Variants in MRTFA observed in about 807,000 individuals in gnomAD.
MRTFA encodes myocardin related transcription factor A.
A neutral mutation model predicts 83.5 loss-of-function variants in MRTFA; 20 were observed. The ratio of observed to expected loss-of-function variants is 0.24; its 90% confidence interval spans 0.17 to 0.35. MRTFA has a LOEUF of 0.35. MRTFA is among the 10% of genes least tolerant of loss of function. The pLI is 1.00. For missense variants in MRTFA, 1,200 were observed against 1,224.7 expected (o/e 0.98, Z 0.30); for synonymous variants, 659 against 541.2 (o/e 1.22, Z -3.02).
At chr22:40,459,822 C>CACACACACATATACAT (rs1308675939) in intron 4 of MRTFA, among the ~76,000 whole-genome samples, 4 of 68,264 alleles carry the variant, frequency 5.9e-5, no homozygotes, top group African/African-American at 1.9e-4. Context: ...CACACACACA[C>CACACACACATATACAT]ATATATACAT....
intron 3 of MRTFA, chr22:40,522,342 G>A (rs1569309955): frequency 6.6e-6 from 1 of 152,228 alleles, no homozygotes; most frequent in Non-Finnish European, 1.5e-5. Context: ...GGAGGGCACA[G>A]GACTGGGCAG....
intron 3 of MRTFA, among the ~76,000 whole-genome samples, chr22:40,535,505 A>G (rs2055156087): frequency 6.6e-6 from 1 of 151,822 alleles, no homozygotes; most frequent in African/African-American, 2.4e-5. Context: ...GGCATATGCC[A>G]CCACACCCAG....
At chr22:40,480,743 CTTTTTTTTTTTTTT>C (rs758150714) in intron 3 of MRTFA, among the ~76,000 whole-genome samples, 1 of 93,542 alleles carries the variant, frequency 1.1e-5, no homozygotes, top group African/African-American at 4.8e-5. Context: ...GAGTTCAAGA[CTTTTTTTTTTTTTT>C]TTTTTTTTTT....
chr22:40,562,793 T>A (rs2055648496), intron 2 of MRTFA, among the ~76,000 whole-genome samples: 1 of 147,550 alleles, frequency 6.8e-6, no homozygotes, highest in Admixed American at 6.7e-5. Flanking sequence ...TGGGGGTGAA[T>A]AACAGAAAAA....
At chr22:40,462,813 T>C (rs1327836044) in intron 4 of MRTFA, among the ~76,000 whole-genome samples, 1 of 152,154 alleles carries the variant, frequency 6.6e-6, no homozygotes, top group Non-Finnish European at 1.5e-5. Flanking sequence ...AAAAGAGGTT[T>C]CTCTTCCTAA....
Position 40,410,798 on chromosome 22 carries a change from T to C in MRTFA, c.*592A>G, listed in dbSNP as rs1569242598. On this transcript the variant is annotated 3_prime_UTR_variant, in exon 15 of 15. Transcript: ENST00000355630. ...GTCCGCCCCCCCCCAAAAATATATA[T>C]GTATGTCGATATATAATATAGAGGT... is the stretch of plus-strand genomic sequence containing the variant. 4.3e-6 allele frequency: 1 copy of C among 232,258 alleles called. No homozygotes were observed. The highest frequency in any genetic ancestry group is 1.8e-4 in the South Asian group (1 of 5,518). 14.4% of individuals were successfully genotyped at this position (232,258 alleles called of 1,614,324 possible). A position where few individuals can be genotyped will look rare whatever the true frequency, so the allele number is the denominator to read the frequency against.
At chr22:40,457,426 A>T (rs930838014) in intron 4 of MRTFA, among the ~76,000 whole-genome samples, 1 of 116,482 alleles carries the variant, frequency 8.6e-6, no homozygotes, top group Non-Finnish European at 1.8e-5. Flanking sequence ...GACAGAATGA[A>T]AGAAAGAAAG....
At chr22:40,546,846 T>C (rs2055371933) in intron 3 of MRTFA, among the ~76,000 whole-genome samples, 1 of 152,118 alleles carries the variant, frequency 6.6e-6, no homozygotes, top group South Asian at 2.1e-4. Context: ...ATGTAAACCA[T>C]TCATTGATTC....
At chr22:40,446,438 G>C (rs578130176) in intron 4 of MRTFA, among the ~76,000 whole-genome samples, 12 of 152,136 alleles carry the variant, frequency 7.9e-5, no homozygotes, top group Non-Finnish European at 1.2e-4. Flanking sequence ...TTAGGGAAGT[G>C]GGGGAGAAAC....
At chr22:40,458,041 G>T (rs368449741) in intron 4 of MRTFA, among the ~76,000 whole-genome samples, 1 of 152,184 alleles carries the variant, frequency 6.6e-6, no homozygotes, top group Non-Finnish European at 1.5e-5. Flanking sequence ...GAAGCTTTGA[G>T]AACAAAGTGT....
intron 3 of MRTFA, among the ~76,000 whole-genome samples, chr22:40,542,151 G>A (rs2055301251): frequency 6.6e-6 from 1 of 150,866 alleles, no homozygotes; most frequent in African/African-American, 2.4e-5. Context: ...TGATATACTG[G>A]TACTCTTCCA....
intron 3 of MRTFA, among the ~76,000 whole-genome samples, chr22:40,530,845 T>C (rs1451827422): frequency 1.3e-5 from 2 of 152,216 alleles, no homozygotes; most frequent in African/African-American, 4.8e-5. Flanking sequence ...GAAGATTCAT[T>C]TCTTAATATA....
chr22:40,420,601 C>T, intron 10 of MRTFA, 25 bp from the exon 11 acceptor site: 1 of 1,609,658 alleles, frequency 6.2e-7, no homozygotes, highest in African/African-American at 1.3e-5. Flanking sequence ...CAGAAATTAG[C>T]CCCATCCAGC....
intron 4 of MRTFA, among the ~76,000 whole-genome samples, chr22:40,461,204 CAAAAAA>C (rs55733153): frequency 2.3e-3 from 115 of 50,298 alleles, no homozygotes; most frequent in South Asian, 6.5e-3. Context: ...GAACTTGTCT[CAAAAAA>C]AAAAAAAAAA....
chr22:40,603,762 A>AT (rs1204265557), intron 1 of MRTFA, among the ~76,000 whole-genome samples: 10 of 149,858 alleles, frequency 6.7e-5, no homozygotes, highest in East Asian at 2.0e-4. Context: ...GAAAAAAAAA[A>AT]TTTTTTTTTT....
chr22:40,515,159 A>G (rs2054737006), intron 3 of MRTFA, among the ~76,000 whole-genome samples: 1 of 151,388 alleles, frequency 6.6e-6, no homozygotes, highest in Non-Finnish European at 1.5e-5. Flanking sequence ...CACCTGCCTC[A>G]CCCACCCAAA....
chr22:40,419,462 G>T, intron 11 of MRTFA, 78 bp from the exon 12 acceptor site: 2 of 1,318,276 alleles, frequency 1.5e-6, no homozygotes, highest in Non-Finnish European at 2.1e-6. Flanking sequence ...GGGCAGTCTG[G>T]GCCCCATGGG....
intron 1 of MRTFA, among the ~76,000 whole-genome samples, chr22:40,636,211 C>T (rs2056696714): frequency 6.6e-6 from 1 of 152,210 alleles, no homozygotes; most frequent in Non-Finnish European, 1.5e-5. Flanking sequence ...CCGCGCAGCA[C>T]AGCCCTGCCA....
chr22:40,525,702 G>C (rs953967921), intron 3 of MRTFA, among the ~76,000 whole-genome samples: 2 of 152,074 alleles, frequency 1.3e-5, no homozygotes, highest in Non-Finnish European at 2.9e-5. Context: ...TCTTCAGTTA[G>C]GGCACGCTAT....
Sources: gnomAD v4.1 joint callset for allele counts (sites outside exome capture counted in the v4.1 genomes callset) on GRCh38, gnomAD v4.1.1 for gene constraint, MANE v1.5 for transcripts, NCBI Gene and HGNC (gene_info 2026-07-23, HGNC 2026-07-21) for gene names.